SLC4A4: variants seen among roughly 807,000 people sequenced by gnomAD.
The protein encoded by SLC4A4 is electrogenic sodium bicarbonate cotransporter 1.
SLC4A4 carries 27 observed loss-of-function variants against 111.5 expected under a neutral mutation model. The observed-to-expected ratio is 0.24, with a 90% CI of 0.18 to 0.33. The LOEUF (loss-of-function observed/expected upper bound fraction) is 0.33. SLC4A4 is among the 10% of genes least tolerant of loss of function. SLC4A4 has a pLI of 1.00. For synonymous variants in SLC4A4, 443 were observed against 463.4 expected, an observed-to-expected ratio of 0.96 and a Z score of 0.57; for missense variants, 909 against 1,315.5, an observed-to-expected ratio of 0.69 and a Z score of 4.78.
intron 20 of SLC4A4, among the ~76,000 whole-genome samples, chr4:71,548,438 T>C (rs1735720720): frequency 6.6e-6 from 1 of 151,894 alleles, no homozygotes; most frequent in Non-Finnish European, 1.5e-5. Context: ...AAACTAAAAC[T>C]AAAAACTAAA....
rs1054261473 is a variant in SLC4A4 at position 71,501,178 on chromosome 4, G to C, written c.2166+3486G>C. Among the ~76,000 whole-genome samples the C allele has an allele frequency of 6.6e-5, 10 of 151,866 alleles. No homozygotes were observed. The South Asian group carries it at 2.1e-3, about 32-fold the overall frequency. On this transcript the variant is annotated intron_variant, in intron 16 of 25. Coordinates refer to ENST00000264485, the MANE Select transcript of SLC4A4 (RefSeq NM_001098484.3). The stretch of plus-strand genomic sequence containing the variant: ...GAAGTATAGCACATTCACCTCCCTG[G>C]TTAAATTTATTCTTAAATGTTTTAT...
At chr4:71,395,434 C>T (rs1719731333) in intron 6 of SLC4A4, among the ~76,000 whole-genome samples, 1 of 152,160 alleles carries the variant, frequency 6.6e-6, no homozygotes, top group African/African-American at 2.4e-5. Flanking sequence ...TAATACTAGT[C>T]TTCTCTTCCT....
intron 3 of SLC4A4, among the ~76,000 whole-genome samples, chr4:71,279,991 C>T (rs1219402116): frequency 6.6e-6 from 1 of 152,126 alleles, no homozygotes; most frequent in Non-Finnish European, 1.5e-5. Flanking sequence ...GATGGGATTT[C>T]ACCATGTTGG....
At chr4:71,324,593 C>T (rs1478414707) in intron 3 of SLC4A4, among the ~76,000 whole-genome samples, 1 of 151,896 alleles carries the variant, frequency 6.6e-6, no homozygotes, top group Non-Finnish European at 1.5e-5. Context: ...CAGAAATCCT[C>T]GTTTTAATTT....
At chr4:71,099,478 A>G (rs1742653595) in intron 2 of SLC4A4, among the ~76,000 whole-genome samples, 3 of 152,198 alleles carry the variant, frequency 2.0e-5, no homozygotes, top group African/African-American at 7.2e-5. Flanking sequence ...AAATATCCAT[A>G]TCTCAAAGTT....
intron 2 of SLC4A4, among the ~76,000 whole-genome samples, chr4:71,095,487 C>G (rs1294178726): frequency 6.6e-6 from 1 of 152,228 alleles, no homozygotes; most frequent in Non-Finnish European, 1.5e-5. Flanking sequence ...TTAGCTGCTT[C>G]CTGACAATGG....
chr4:71,329,779 C>A (rs1727817974), intron 3 of SLC4A4, among the ~76,000 whole-genome samples: 1 of 152,010 alleles, frequency 6.6e-6, no homozygotes, highest in South Asian at 2.1e-4. Context: ...ATTTGAGTTC[C>A]TTCTTTCCAA....
intron 3 of SLC4A4, 79 bp downstream of exon 3, chr4:71,255,478 G>A: frequency 1.4e-6 from 2 of 1,398,386 alleles, no homozygotes; most frequent in Non-Finnish European, 2.0e-6. Context: ...TGAATCTTGT[G>A]GCTAAAGGGG....
intron 14 of SLC4A4, among the ~76,000 whole-genome samples, chr4:71,483,187 T>C (rs2149125795): frequency 6.6e-6 from 1 of 151,788 alleles, no homozygotes; most frequent in Middle Eastern, 3.4e-3. Context: ...GTAACTTTCA[T>C]TTAAGTTCGG....
At chr4:71,385,169 A>ATTTT (rs1236746671) in intron 6 of SLC4A4, among the ~76,000 whole-genome samples, 2 of 48,166 alleles carry the variant, frequency 4.2e-5, no homozygotes, top group Non-Finnish European at 1.0e-4. Context: ...TATAGGTTAG[A>ATTTT]TTTATATATA....
intron 16 of SLC4A4, among the ~76,000 whole-genome samples, chr4:71,521,451 C>T (rs1160499176): frequency 1.3e-5 from 2 of 152,102 alleles, no homozygotes; most frequent in East Asian, 3.9e-4. Context: ...CCAGGCTAGT[C>T]TTGAACTCCT....
intron 6 of SLC4A4, among the ~76,000 whole-genome samples, chr4:71,363,635 C>G (rs1219753808): frequency 6.6e-6 from 1 of 152,226 alleles, no homozygotes; most frequent in Non-Finnish European, 1.5e-5. Context: ...TGACATCTTG[C>G]AACTCTCAGG....
intron 7 of SLC4A4, among the ~76,000 whole-genome samples, chr4:71,403,010 G>T (rs1033643720): frequency 2.0e-5 from 3 of 152,150 alleles, no homozygotes; most frequent in Admixed American, 6.5e-5. Flanking sequence ...TTTAAAGAAG[G>T]TATGTATTTT....
chr4:71,404,054 C>A (rs1283105803), intron 7 of SLC4A4, among the ~76,000 whole-genome samples: 4 of 152,060 alleles, frequency 2.6e-5, no homozygotes, highest in Non-Finnish European at 4.4e-5. Flanking sequence ...AAAAGGTCAT[C>A]CATGTACTGT....
chr4:71,510,476 C>T lies in SLC4A4; in HGVS notation c.2166+12784C>T, dbSNP rs574548756. ...TTTTTATGTCTTCTTATGAATTGAT[C>T]CCTTTATCATTATATGATGACTTTC... On this transcript the variant is annotated intron_variant, in intron 16 of 25. Transcript: ENST00000264485. Among the ~76,000 whole-genome samples the T allele has an allele frequency of 3.8e-3, 578 of 152,136 alleles. 2 individuals are homozygous for T. Among genetic ancestry groups the T allele is most frequent in the Non-Finnish European group, 5.6e-3 (380 of 67,988 alleles).
intron 25 of SLC4A4, 123 bp from the exon 26 acceptor site, chr4:71,567,665 G>T (rs563382812): frequency 1.9e-6 from 1 of 527,516 alleles, no homozygotes; most frequent in Non-Finnish European, 3.3e-6. Context: ...TACACAAAGA[G>T]AATATAAATA....
At chr4:71,335,062 A>G (rs1187964337) in intron 3 of SLC4A4, among the ~76,000 whole-genome samples, 3 of 152,080 alleles carry the variant, frequency 2.0e-5, no homozygotes, top group African/African-American at 7.3e-5. Context: ...ACAGGGGCCT[A>G]CGTGAAGTGG....
At chr4:71,094,360 A>G (rs148663707) in intron 2 of SLC4A4, among the ~76,000 whole-genome samples, 4 of 152,346 alleles carry the variant, frequency 2.6e-5, no homozygotes, top group Non-Finnish European at 5.9e-5. Context: ...TCTCCAGAGT[A>G]GAGTGGCATG....
At chr4:71,443,116 C>CTCTCTCTCTATATATATATATATATA (rs1198759861) in intron 8 of SLC4A4, among the ~76,000 whole-genome samples, 1 of 65,654 alleles carries the variant, frequency 1.5e-5, no homozygotes, top group African/African-American at 8.7e-5. Context: ...CTCTCTCTCT[C>CTCTCTCTCTATATATATATATATATA]TATATATATA....
Sources: gnomAD v4.1 joint callset for allele counts (sites outside exome capture counted in the v4.1 genomes callset) on GRCh38, gnomAD v4.1.1 for gene constraint, MANE v1.5 for transcripts, NCBI Gene and HGNC (gene_info 2026-07-23, HGNC 2026-07-21) for gene names.